The following CACNA2D1 variants were observed in gnomAD, a reference collection of about 807,000 sequenced individuals.
The protein encoded by CACNA2D1 is calcium voltage-gated channel auxiliary subunit alpha2delta 1.
In CACNA2D1, 53 loss-of-function variants were observed where a neutral mutation model predicts 171.5. That is an observed-to-expected ratio of 0.31 (90% CI 0.25 to 0.39). The LOEUF is 0.39. Ranked by LOEUF, CACNA2D1 falls within the 10% of genes least tolerant of loss-of-function variation. The pLI is 1.00. For missense variants in CACNA2D1, 903 were observed against 1,299.8 expected (o/e 0.69, Z 4.69); for synonymous variants, 442 against 443.1 (o/e 1.00, Z 0.03).
chr7:82,375,557 C>T (rs1822926179), intron 1 of CACNA2D1, among the ~76,000 whole-genome samples: 1 of 152,086 alleles, frequency 6.6e-6, no homozygotes, highest in South Asian at 2.1e-4. Flanking sequence ...CTCCTATTTT[C>T]TTGGAGTACG....
At chr7:82,398,722 C>T (rs936385353) in intron 1 of CACNA2D1, among the ~76,000 whole-genome samples, 2 of 151,796 alleles carry the variant, frequency 1.3e-5, no homozygotes, top group Non-Finnish European at 1.5e-5. Flanking sequence ...GGACTACAGG[C>T]GTGCACCACC....
Position 81,967,586 on chromosome 7 carries a change from A to G in CACNA2D1, c.2463+10T>C. On this transcript the variant is annotated intron_variant, in intron 30 of 38. Transcript: ENST00000356860. ...AAACATAGCATAAGAATTTTTTAAA[A>G]ATATCTTACCGGATCTCTGATTGAG... 1 of 1,431,268 alleles carries G rather than the reference A, an allele frequency of 7.0e-7. No individual in the cohort carries two copies. Among genetic ancestry groups the G allele is most frequent in the Non-Finnish European group, 9.8e-7 (1 of 1,023,570 alleles). The allele number at this position is 1,431,268 out of a possible 1,614,324, so 88.7% of individuals were successfully genotyped here.
chr7:82,095,559 G>A (rs1811753305), intron 6 of CACNA2D1, among the ~76,000 whole-genome samples: 3 of 152,122 alleles, frequency 2.0e-5, no homozygotes, highest in South Asian at 2.1e-4. Context: ...AAAACATTAT[G>A]TACAATAGCT....
At chr7:82,407,303 T>C (rs1827164050) in intron 1 of CACNA2D1, among the ~76,000 whole-genome samples, 1 of 152,228 alleles carries the variant, frequency 6.6e-6, no homozygotes, top group African/African-American at 2.4e-5. Context: ...TATCTTTCCT[T>C]GGGTTAGAGC....
chr7:82,107,813 A>G lies in CACNA2D1; in HGVS notation c.526+9231T>C, dbSNP rs377531361. Among the ~76,000 whole-genome samples the G allele has an allele frequency of 3.3e-3, 500 of 151,824 alleles. 2 individuals are homozygous for G. Among genetic ancestry groups the G allele is most frequent in the African/African-American group, 0.012 (483 of 41,426 alleles). On this transcript the variant is annotated intron_variant, in intron 6 of 38. Transcript: ENST00000356860. Reference sequence around the variant, plus strand: ...TGGCCAGGCTGGTCTCGAACTCCTGACCTCAGATGATCCGCCCGCCTCTGC... The same window carrying G: ...TGGCCAGGCTGGTCTCGAACTCCTGGCCTCAGATGATCCGCCCGCCTCTGC...
In CACNA2D1 at chr7:82,317,668, G is replaced by A. The variant is rs145030101; in HGVS notation, c.294+17467C>T. Among the ~76,000 whole-genome samples the A allele has an allele frequency of 3.4e-3, 516 of 152,176 alleles. 3 individuals are homozygous for A. Among genetic ancestry groups the A allele is most frequent in the Middle Eastern group, 0.017 (5 of 294 alleles). ...TGTGAAATGTCAACTAAGGACTGGAGACTACTATTTAGAAGAGAAATTTGA... is the reference window on the plus strand; with the variant it reads ...TGTGAAATGTCAACTAAGGACTGGAAACTACTATTTAGAAGAGAAATTTGA... On this transcript the variant is annotated intron_variant, in intron 3 of 38. Coordinates refer to ENST00000356860, the MANE Select transcript of CACNA2D1 (RefSeq NM_000722.4).
intron 1 of CACNA2D1, among the ~76,000 whole-genome samples, chr7:82,437,365 A>G (rs1039874384): frequency 6.6e-6 from 1 of 152,134 alleles, no homozygotes; most frequent in African/African-American, 2.4e-5. Flanking sequence ...TCAAATAGAC[A>G]GTAAGATTAT....
rs1802882705 is a variant in CACNA2D1 at position 82,032,909 on chromosome 7, A to G, written c.1039-8T>C. 1 of 1,292,504 alleles carries G rather than the reference A, an allele frequency of 7.7e-7. No homozygotes were observed. Among genetic ancestry groups the G allele is most frequent in the Non-Finnish European group, 1.1e-6 (1 of 889,548 alleles). 80.1% of individuals were successfully genotyped at this position (1,292,504 alleles called of 1,614,324 possible). The stretch of plus-strand genomic sequence containing the variant: ...TGCTCTGGAAACATTATACTGTTAA[A>G]AACAAAACCAAACAAAACAATATGC... On this transcript the variant is annotated splice_region_variant and splice_polypyrimidine_tract_variant and intron_variant, in intron 11 of 38. Coordinates refer to ENST00000356860, the MANE Select transcript of CACNA2D1 (RefSeq NM_000722.4).
intron 6 of CACNA2D1, among the ~76,000 whole-genome samples, chr7:82,103,913 C>CA (rs140993000): frequency 0.028 from 4,294 of 151,872 alleles, 76 homozygotes; most frequent in South Asian, 0.068. Flanking sequence ...AGATTATAAA[C>CA]AAAAAATATA....
intron 3 of CACNA2D1, among the ~76,000 whole-genome samples, chr7:82,241,784 C>T (rs1020540338): frequency 6.6e-6 from 1 of 152,124 alleles, no homozygotes. Context: ...AGTGCAAATA[C>T]GACTGTATCA....
At chr7:82,409,640 GT>G (rs1827434100) in intron 1 of CACNA2D1, among the ~76,000 whole-genome samples, 1 of 152,172 alleles carries the variant, frequency 6.6e-6, no homozygotes, top group Non-Finnish European at 1.5e-5. Flanking sequence ...ATTCAAATGT[GT>G]ATCTGTGGTA....
At chr7:81,976,369 C>T (rs1795842799) in intron 24 of CACNA2D1, among the ~76,000 whole-genome samples, 1 of 152,134 alleles carries the variant, frequency 6.6e-6, no homozygotes, top group South Asian at 2.1e-4. Context: ...TCTTCCTATC[C>T]ATGAGCATGG....
intron 32 of CACNA2D1, 44 bp downstream of exon 32, chr7:81,965,550 A>G: frequency 2.0e-6 from 2 of 993,432 alleles, no homozygotes; most frequent in Non-Finnish European, 1.6e-6. Context: ...GATCCGGGAA[A>G]CACACTTTGG....
chr7:82,140,185 A>G (rs1159493710), intron 4 of CACNA2D1, among the ~76,000 whole-genome samples: 1 of 152,166 alleles, frequency 6.6e-6, no homozygotes, highest in Non-Finnish European at 1.5e-5. Context: ...CTTTTTATAG[A>G]AAACAACAAA....
intron 6 of CACNA2D1, 134 bp from the exon 7 acceptor site, chr7:82,085,034 A>C (rs1810280704): frequency 1.2e-6 from 1 of 827,414 alleles, no homozygotes. Flanking sequence ...AGTAGTTATC[A>C]ACAAGTTTTC....
chr7:82,268,456 T>C (rs1343340598), intron 3 of CACNA2D1, among the ~76,000 whole-genome samples: 1 of 152,182 alleles, frequency 6.6e-6, no homozygotes, highest in Non-Finnish European at 1.5e-5. Context: ...AACGTTTATT[T>C]AATTACAAAA....
chr7:82,175,652 A>G (rs1438151966), intron 3 of CACNA2D1, among the ~76,000 whole-genome samples: 7 of 152,076 alleles, frequency 4.6e-5, no homozygotes, highest in African/African-American at 1.7e-4. Context: ...CTTTGGATCT[A>G]TGGTACAATG....
At chr7:82,134,157 TATA>T (rs1274550900) in intron 5 of CACNA2D1, among the ~76,000 whole-genome samples, 3 of 152,160 alleles carry the variant, frequency 2.0e-5, no homozygotes, top group Non-Finnish European at 4.4e-5. Flanking sequence ...CCAACATGCT[TATA>T]GTAGGGTAAA....
chr7:81,951,969 G>GTTTTTTTTTTT (rs774805421), intron 38 of CACNA2D1, among the ~76,000 whole-genome samples: 14 of 71,906 alleles, frequency 1.9e-4, no homozygotes, highest in African/African-American at 8.5e-4. Context: ...TGTACAAAGT[G>GTTTTTTTTTTT]TTTTTTTTTT....
Sources: allele counts gnomAD v4.1 joint callset (sites outside exome capture counted in the v4.1 genomes callset), GRCh38; gene constraint gnomAD v4.1.1; transcripts MANE v1.5; gene names NCBI Gene and HGNC (gene_info 2026-07-23, HGNC 2026-07-21).